GTSE1: variants seen among roughly 807,000 people sequenced by gnomAD.
GTSE1 encodes G2 and S-phase expressed 1, also known as G2 and S phase-expressed protein 1.
A neutral mutation model predicts 60.5 loss-of-function variants in GTSE1; 52 were observed. That is an observed-to-expected ratio of 0.86 (90% CI 0.69 to 1.08). The LOEUF (loss-of-function observed/expected upper bound fraction) is 1.08, where lower values mean the gene tolerates loss of function less well. Among genes scored for constraint, GTSE1 ranks in the 50% least tolerant of loss-of-function variants. The probability of loss-of-function intolerance (pLI) is 0.00; values close to 1 mark genes in which losing one functional copy is unlikely to be tolerated. For synonymous variants in GTSE1, 368 were observed against 386.5 expected, an observed-to-expected ratio of 0.95 and a Z score of 0.56; for missense variants, 937 against 961.8, an observed-to-expected ratio of 0.97 and a Z score of 0.34.
Position 46,309,795 on chromosome 22 carries a change from C to A in GTSE1, c.762+852C>A, listed in dbSNP as rs1335951360. On this transcript the variant is annotated intron_variant, in intron 4 of 11. Coordinates refer to ENST00000454366, the MANE Select transcript of GTSE1 (RefSeq NM_016426.7). The surrounding 1 kb of genome is among the most constrained non-coding windows in gnomAD (Gnocchi z 6.2). ...TGCCCGGCACTGCCACCCCCAACAG[C>A]TGGGGCCTGCAAACTCCTTTATTTG... Among the ~76,000 whole-genome samples, 1 of 152,212 alleles carries A rather than the reference C, an allele frequency of 6.6e-6. No individual in the cohort carries two copies. Among genetic ancestry groups the A allele is most frequent in the Admixed American group, 6.5e-5 (1 of 15,280 alleles).
At position 46,297,425 on chromosome 22, in the gene GTSE1, G is replaced by A; in HGVS notation, c.25G>A (p.Glu9Lys). Residue 9 changes from glutamate to lysine, a missense_variant, in exon 2 of 12, where the codon GAG becomes AAG. Transcript: ENST00000454366. The surrounding 1 kb of genome is among the most constrained non-coding windows in gnomAD (Gnocchi z 4.9). MEGGGGRDEPSACRAGDVN... is the reference protein window; with the variant it reads MEGGGGRDKPSACRAGDVN... ...CATGGAAGGAGGCGGCGGCCGCGAT[G>A]AGCCTTCAGCCTGCCGGGCAGGGGA... 2.5e-6 allele frequency: 4 copies of A among 1,614,004 alleles called. No individual in the cohort carries two copies. Among genetic ancestry groups the A allele is most frequent in the Non-Finnish European group, 3.4e-6 (4 of 1,179,844 alleles).
In GTSE1 at chr22:46,306,339, G is replaced by A. The variant is rs187137561; in HGVS notation, c.80-1811G>A. Among the ~76,000 whole-genome samples the A allele has an allele frequency of 2.7e-3, 415 of 151,772 alleles. 1 individual carries two copies. The highest frequency in any genetic ancestry group is 4.5e-3 in the East Asian group (23 of 5,154). On this transcript the variant is annotated intron_variant, in intron 2 of 11. Coordinates refer to ENST00000454366, the MANE Select transcript of GTSE1 (RefSeq NM_016426.7). ...TGGGACTACAGGCACCTGCCACCAC[G>A]CCCGGCTAATTTTTTGCATTTTTTG...
chr22:46,319,229 T>C lies in GTSE1; in HGVS notation c.1432+2817T>C, dbSNP rs1414973124. 5.3e-5 allele frequency among the ~76,000 whole-genome samples: 8 copies of C among 151,648 alleles called. No homozygotes were observed. Among genetic ancestry groups the C allele is most frequent in the Non-Finnish European group, 1.2e-4 (8 of 67,892 alleles). ...CGCGTGACCAGAGCGGACCCTGGAG[T>C]ACCGTCAGTGCAGGAGGACGTGCAT... is the stretch of plus-strand genomic sequence containing the variant. On this transcript the variant is annotated intron_variant, in intron 7 of 11. Coordinates refer to ENST00000454366, the MANE Select transcript of GTSE1 (RefSeq NM_016426.7). The surrounding 1 kb of genome is among the most constrained non-coding windows in gnomAD (Gnocchi z 5.0).
At chr22:46,300,734 G>T (rs1009893173) in intron 2 of GTSE1, among the ~76,000 whole-genome samples, 7 of 152,176 alleles carry the variant, frequency 4.6e-5, no homozygotes, top group African/African-American at 1.7e-4. Context: ...GGACCCCTCG[G>T]AGCCAGTCAC....
chr22:46,298,942 C>T (rs1034295841), intron 2 of GTSE1, among the ~76,000 whole-genome samples: 1 of 152,240 alleles, frequency 6.6e-6, no homozygotes, highest in African/African-American at 2.4e-5. Context: ...CCTTCCAAGC[C>T]AAACTTTGAG....
In GTSE1 at chr22:46,328,745, C is replaced by T. The variant is rs267606281; in HGVS notation, c.1782C>T (p.Ser594=). Residue 594 remains serine (S), a synonymous_variant, in exon 10 of 12, where the codon TCC becomes TCT. Transcript: ENST00000454366. ...RKTDSRLVDV[S]PDRGSPPSRV... is the part of the protein sequence containing the mutation. ...CAGATTCCAGGCTGGTGGATGTGTCCCCTGACAGGGGTTCTCCTCCTTCCC... is the reference window on the plus strand; with the variant it reads ...CAGATTCCAGGCTGGTGGATGTGTCTCCTGACAGGGGTTCTCCTCCTTCCC... The T allele has an allele frequency of 2.5e-6, 4 of 1,613,742 alleles. No homozygotes were observed. Among genetic ancestry groups the T allele is most frequent in the African/African-American group, 1.3e-5 (1 of 74,936 alleles).
rs371308995 is a variant in GTSE1, at chr22:46,316,364, G to T, written c.1384G>T (p.Val462Phe). 3.7e-6 allele frequency: 6 copies of T among 1,608,374 alleles called. No individual in the cohort carries two copies. Among genetic ancestry groups the T allele is most frequent in the Non-Finnish European group, 5.1e-6 (6 of 1,175,046 alleles). The part of the protein sequence containing the change: ...RDSCLNSKTK[V>F]MPTPTNQFKI... ...TTCCTGTCTAAATTCCAAGACAAAG[G>T]TTATGCCTACTCCTACAAATCAATT... Residue 462 changes from valine to phenylalanine, a missense_variant, in exon 7 of 12, where the codon GTT (valine) becomes TTT (phenylalanine). Coordinates refer to ENST00000454366, the MANE Select transcript of GTSE1 (RefSeq NM_016426.7). The surrounding 1 kb of genome is among the most constrained non-coding windows in gnomAD (Gnocchi z 5.0).
intron 2 of GTSE1, among the ~76,000 whole-genome samples, chr22:46,305,107 C>G (rs2077708790): frequency 6.6e-6 from 1 of 151,932 alleles, no homozygotes; most frequent in African/African-American, 2.4e-5. Flanking sequence ...AGTTTTTTTT[C>G]TTTTAATCCT....
chr22:46,323,352 G>C, intron 8 of GTSE1, 90 bp downstream of exon 8: 1 of 1,000,238 alleles, frequency 1.0e-6, no homozygotes, highest in African/African-American at 1.6e-5. Context: ...CCTGCAGCCT[G>C]GCCTGCGCAT....
intron 7 of GTSE1, among the ~76,000 whole-genome samples, chr22:46,322,619 GC>G (rs2077819911): frequency 6.6e-6 from 1 of 152,178 alleles, no homozygotes; most frequent in Non-Finnish European, 1.5e-5. Flanking sequence ...TGACCCCTTT[GC>G]CCTCTGAGCC....
In GTSE1 at chr22:46,312,295, T is replaced by C. The variant is rs757364244; in HGVS notation, c.917T>C (p.Val306Ala). 1 of 1,611,132 alleles carries C rather than the reference T, an allele frequency of 6.2e-7. No individual in the cohort carries two copies. Among genetic ancestry groups the C allele is most frequent in the East Asian group, 2.2e-5 (1 of 44,842 alleles). ...GGCCAGGGCAAGCGGGCGATCCCTG[T>C]TCCAAACAAGGTGAGTTGGCTGCTG... ...HLGQGKRAIP[V>A]PNKLGLKKTL... Residue 306 changes from valine (V) to alanine (A), a missense_variant, in exon 5 of 12, where the codon GTT becomes GCT. Coordinates refer to ENST00000454366, the MANE Select transcript of GTSE1 (RefSeq NM_016426.7).
In GTSE1 at chr22:46,316,411, T is replaced by G. The variant is rs1469075390; in HGVS notation, c.1431T>G (p.Ile477Met). 6.5e-7 allele frequency: 1 copy of G among 1,527,446 alleles called. No homozygotes were observed. The highest frequency in any genetic ancestry group is 9.0e-7 in the Non-Finnish European group (1 of 1,113,252). The allele number at this position is 1,527,446 out of a possible 1,614,324, so 94.6% of individuals were successfully genotyped here. A position where few individuals can be genotyped will look rare whatever the true frequency, so the allele number is the denominator to read the frequency against. ...TNQFKIPKFSIGDSPDSSTPK... is the reference protein window; with the variant it reads ...TNQFKIPKFSMGDSPDSSTPK... The stretch of plus-strand genomic sequence containing the variant: ...AATTTAAAATTCCTAAGTTTTCTAT[T>G]GGTGAGTAATAGATACATTTTAATG... The change falls in exon 7 of 12, where the codon ATT (isoleucine) becomes ATG (methionine). Residue 477 changes from isoleucine (I) to methionine (M), a missense_variant and splice_region_variant. Physicochemically the swap from Ile to Met is conservative, Grantham distance 10. Transcript: ENST00000454366. The surrounding 1 kb of genome is among the most constrained non-coding windows in gnomAD (Gnocchi z 5.0).
Position 46,316,541 on chromosome 22 carries a change from A to G in GTSE1, c.1432+129A>G. 1.4e-6 allele frequency: 1 copy of G among 707,742 alleles called. No individual in the cohort carries two copies. Among genetic ancestry groups the G allele is most frequent in the Non-Finnish European group, 2.3e-6 (1 of 425,770 alleles). 43.8% of individuals were successfully genotyped at this position (707,742 alleles called of 1,614,324 possible). ...TCCTCCAACAGTGCTTTCAGGTGTGACCCGCTGTCTTCTCGCCCACGTTGT... is the reference window on the plus strand; with the variant it reads ...TCCTCCAACAGTGCTTTCAGGTGTGGCCCGCTGTCTTCTCGCCCACGTTGT... On this transcript the variant is annotated intron_variant, in intron 7 of 11. Transcript: ENST00000454366. This position sits in a 1 kb window ranked among gnomAD's most constrained non-coding sequence, Gnocchi z 5.0.
chr22:46,307,231 G>A (rs779982081), intron 2 of GTSE1, among the ~76,000 whole-genome samples: 17 of 152,280 alleles, frequency 1.1e-4, no homozygotes, highest in African/African-American at 3.4e-4. Context: ...AAGCAATGGC[G>A]GTCAACGAAT....
Position 46,304,504 on chromosome 22 carries a change from C to T in GTSE1, c.80-3646C>T, listed in dbSNP as rs186634722. On this transcript the variant is annotated intron_variant, in intron 2 of 11. Transcript: ENST00000454366. The surrounding 1 kb of genome is among the most constrained non-coding windows in gnomAD (Gnocchi z 4.4). ...TGTATGTTGTATTTTATCATATGCC[C>T]GTTCAACATATGTGCAGACGATCAT... Among the ~76,000 whole-genome samples, 86 of 152,196 alleles carry T rather than the reference C, an allele frequency of 5.7e-4. No homozygotes were observed. The highest frequency in any genetic ancestry group is 3.4e-3 in the Middle Eastern group (1 of 294).
intron 2 of GTSE1, among the ~76,000 whole-genome samples, chr22:46,303,502 A>T (rs1397830720): frequency 6.6e-6 from 1 of 152,068 alleles, no homozygotes; most frequent in Non-Finnish European, 1.5e-5. Context: ...GTGCAGTGTG[A>T]TCATGTTACC....
Position 46,316,469 on chromosome 22 carries a change from A to T in GTSE1, c.1432+57A>T. ...AAAAAATACTGAAGAAATTGCATTT[A>T]AAGTTTTAAACAATTATTGATGGCA... On this transcript the variant is annotated intron_variant, in intron 7 of 11. Transcript: ENST00000454366. The surrounding 1 kb of genome is among the most constrained non-coding windows in gnomAD (Gnocchi z 5.0). 1 of 1,166,790 alleles carries T rather than the reference A, an allele frequency of 8.6e-7. No individual in the cohort carries two copies. 72.3% of individuals were successfully genotyped at this position (1,166,790 alleles called of 1,614,324 possible). A position where few individuals can be genotyped will look rare whatever the true frequency, so the allele number is the denominator to read the frequency against.
intron 2 of GTSE1, among the ~76,000 whole-genome samples, chr22:46,305,421 A>G (rs2077710140): frequency 6.6e-6 from 1 of 151,842 alleles, no homozygotes; most frequent in Non-Finnish European, 1.5e-5. Flanking sequence ...CATCCTGGCT[A>G]ACATTGTGAA....
intron 7 of GTSE1, among the ~76,000 whole-genome samples, 162 bp from the exon 8 acceptor site, chr22:46,323,028 C>T (rs1222487707): frequency 6.6e-6 from 1 of 152,222 alleles, no homozygotes; most frequent in Non-Finnish European, 1.5e-5. Flanking sequence ...TGGCTGCCTG[C>T]AGCAGGGTGG....
Sources: gnomAD v4.1 joint callset for allele counts (sites outside exome capture counted in the v4.1 genomes callset) on GRCh38, gnomAD v4.1.1 for gene constraint, Gnocchi (gnomAD v3.1) non-coding constraint, MANE v1.5 for transcripts, NCBI Gene and HGNC (gene_info 2026-07-23, HGNC 2026-07-21) for gene names.